Variants in CACNA1C observed in about 807,000 individuals in gnomAD.
CACNA1C encodes the protein calcium voltage-gated channel subunit alpha1 C, also known as voltage-dependent L-type calcium channel subunit alpha-1C.
In CACNA1C, 30 loss-of-function variants were observed where a neutral mutation model predicts 229.0. The ratio of observed to expected loss-of-function variants is 0.13; its 90% CI spans 0.10 to 0.18. CACNA1C has a LOEUF of 0.18. Ranked by LOEUF, CACNA1C falls within the 10% of genes least tolerant of loss-of-function variation. The pLI is 1.00. For synonymous variants in CACNA1C, 1,114 were observed against 1,132.5 expected (o/e 0.98, Z 0.33); for missense variants, 1,658 against 2,845.0 (o/e 0.58, Z 9.49).
chr12:2,228,025 G>A (rs2063534448), intron 3 of CACNA1C, among the ~76,000 whole-genome samples: 1 of 152,116 alleles, frequency 6.6e-6, no homozygotes, highest in Non-Finnish European at 1.5e-5. Flanking sequence ...GTCCTTAGGT[G>A]GTGGGCTGCC....
At chr12:2,591,470 G>T (rs2065279809) in intron 18 of CACNA1C, among the ~76,000 whole-genome samples, 1 of 152,192 alleles carries the variant, frequency 6.6e-6, no homozygotes, top group African/African-American at 2.4e-5. Flanking sequence ...AGGGAGAAGG[G>T]ACAGACATTT....
intron 9 of CACNA1C, among the ~76,000 whole-genome samples, chr12:2,522,420 G>A (rs1054053177): frequency 3.9e-5 from 6 of 152,174 alleles, no homozygotes; most frequent in Admixed American, 3.3e-4. Context: ...ATACCTAGTT[G>A]GCCAAATACC....
intron 3 of CACNA1C, among the ~76,000 whole-genome samples, chr12:2,256,091 C>CCTGACCTGACTAGTTTACAATCACACTA (rs1308467043): frequency 2.4e-3 from 7 of 2,944 alleles, no homozygotes; most frequent in Non-Finnish European, 4.8e-3. Context: ...ACAATCACAC[C>CCTGACCTGACTAGTTTACAATCACACTA]TCCTGTTTCT....
In CACNA1C at chr12:2,679,672, G is replaced by A. The variant is rs767425352; in HGVS notation, c.5320G>A (p.Ala1774Thr). 25 of 1,613,422 alleles carry A rather than the reference G, an allele frequency of 1.5e-5. No homozygotes were observed. Among genetic ancestry groups the A allele is most frequent in the African/African-American group, 6.7e-5 (5 of 74,910 alleles). Residue 1774 changes from alanine (A) to threonine (T), a missense_variant, in exon 42 of 47, where the codon GCC becomes ACC. This residue lies in a region of CACNA1C where 590 missense variants were observed against 700.8 expected (regional missense o/e 0.84). Transcript: ENST00000399655. This position sits in a 1 kb window ranked among gnomAD's most constrained non-coding sequence, Gnocchi z 5.5. The part of the protein sequence containing the change: ...NANINNANNT[A>T]LGRLPRPAGY... ...CAACATCAACAACGCCAACAACACCGCCCTGGGTCGCCTCCCTCGCCCCGC... is the reference window on the plus strand; with the variant it reads ...CAACATCAACAACGCCAACAACACCACCCTGGGTCGCCTCCCTCGCCCCGC...
chr12:2,451,460 A>G (rs941486523), intron 4 of CACNA1C, among the ~76,000 whole-genome samples: 2 of 152,096 alleles, frequency 1.3e-5, no homozygotes, highest in African/African-American at 4.8e-5. Flanking sequence ...AAAATTTTGG[A>G]ATTTTGAAGT....
At position 2,467,640 on chromosome 12, in the gene CACNA1C, A is replaced by C. The variant is rs1187829832; in HGVS notation, c.757+9934A>C. 6.6e-6 allele frequency among the ~76,000 whole-genome samples: 1 copy of C among 152,154 alleles called. No homozygotes were observed. Among genetic ancestry groups the C allele is most frequent in the East Asian group, 1.9e-4 (1 of 5,184 alleles). ...TGCAGGAGGCTTGCCTCTAAGAAAC[A>C]GAATTTAGAACAGGGTGGGTCCCAC... On this transcript the variant is annotated intron_variant, in intron 5 of 46. Coordinates refer to ENST00000399655, the MANE Select transcript of CACNA1C (RefSeq NM_000719.7). The surrounding 1 kb of genome is among the most constrained non-coding windows in gnomAD (Gnocchi z 4.6).
At chr12:2,156,677 T>A (rs2095570360) in intron 3 of CACNA1C, among the ~76,000 whole-genome samples, 1 of 152,222 alleles carries the variant, frequency 6.6e-6, no homozygotes, top group African/African-American at 2.4e-5. Flanking sequence ...AACAAACAGT[T>A]CCTCAACCAG....
chr12:2,578,930 C>T (rs996186638), intron 13 of CACNA1C, among the ~76,000 whole-genome samples: 3 of 152,132 alleles, frequency 2.0e-5, no homozygotes, highest in African/African-American at 7.2e-5. Context: ...TCCATCTCTG[C>T]CTTCCCAGGA....
chr12:2,252,929 C>G (rs2076132771), intron 3 of CACNA1C, among the ~76,000 whole-genome samples: 1 of 151,828 alleles, frequency 6.6e-6, no homozygotes, highest in Non-Finnish European at 1.5e-5. Context: ...ATGGCCCTCT[C>G]CCGCAAAAGG....
At chr12:2,378,824 C>CTCTTTT (rs2098151995) in intron 3 of CACNA1C, among the ~76,000 whole-genome samples, 16 of 146,380 alleles carry the variant, frequency 1.1e-4, no homozygotes, top group Middle Eastern at 7.0e-3. Flanking sequence ...CTTCCTCTCT[C>CTCTTTT]TCTTTCCTTC....
At chr12:2,206,911 ATGATTTTAAGCTGC>A (rs2097771361) in intron 3 of CACNA1C, among the ~76,000 whole-genome samples, 2 of 152,268 alleles carry the variant, frequency 1.3e-5, no homozygotes, top group South Asian at 4.1e-4. Context: ...TTTTAATAAA[ATGATTTTAAGCTGC>A]TGTTTATATA....
intron 3 of CACNA1C, among the ~76,000 whole-genome samples, chr12:2,203,322 T>C (rs2097654193): frequency 6.6e-6 from 1 of 152,112 alleles, no homozygotes; most frequent in Non-Finnish European, 1.5e-5. Context: ...TCCCCCTCAG[T>C]TGTGGTGCTG....
intron 3 of CACNA1C, among the ~76,000 whole-genome samples, chr12:2,198,342 G>C (rs1172420514): frequency 2.0e-5 from 3 of 152,206 alleles, no homozygotes; most frequent in Admixed American, 6.5e-5. Flanking sequence ...GGAGGCTGCT[G>C]TTGGCGGCCA....
intron 3 of CACNA1C, among the ~76,000 whole-genome samples, chr12:2,229,255 TAG>T (rs896312231): frequency 6.6e-6 from 1 of 152,158 alleles, no homozygotes; most frequent in African/African-American, 2.4e-5. Context: ...AAGAATTAAT[TAG>T]ACACTCAGAG....
chr12:2,053,600 A>G lies in CACNA1C; in HGVS notation c.38A>G (p.Glu13Gly). 6.3e-7 allele frequency: 1 copy of G among 1,598,606 alleles called. No homozygotes were observed. Among genetic ancestry groups the G allele is most frequent in the Non-Finnish European group, 8.5e-7 (1 of 1,172,706 alleles). ...NENTRMYIPE[E>G]NHQGSNYGSP... ...AATACGAGGATGTACATTCCAGAGGAAAACCACCAAGGTAAGGCTGGACCC... is the reference window on the plus strand; with the variant it reads ...AATACGAGGATGTACATTCCAGAGGGAAACCACCAAGGTAAGGCTGGACCC... The change falls in exon 1 of 47, where the codon GAA (glutamate) becomes GGA (glycine). Residue 13 changes from glutamate to glycine, a missense_variant. Transcript: ENST00000399655. The surrounding 1 kb of genome is among the most constrained non-coding windows in gnomAD (Gnocchi z 5.8).
intron 1 of CACNA1C, among the ~76,000 whole-genome samples, chr12:2,028,988 A>T (rs1235094236): frequency 6.6e-6 from 1 of 152,108 alleles, no homozygotes; most frequent in Admixed American, 6.5e-5. Flanking sequence ...GTGGTCATGG[A>T]TGTGTGTTCT....
chr12:2,293,179 G>A (rs955480585), intron 3 of CACNA1C, among the ~76,000 whole-genome samples: 3 of 152,116 alleles, frequency 2.0e-5, no homozygotes, highest in Non-Finnish European at 2.9e-5. Flanking sequence ...GCAAGGAAAC[G>A]GTAACACTTT....
At chr12:2,459,136 C>T (rs2099473859) in intron 5 of CACNA1C, among the ~76,000 whole-genome samples, 1 of 150,518 alleles carries the variant, frequency 6.6e-6, no homozygotes, top group South Asian at 2.1e-4. Flanking sequence ...GTGCTTGCCA[C>T]CATGCCCAGC....
intron 1 of CACNA1C, among the ~76,000 whole-genome samples, chr12:2,107,962 G>GATATCTT: frequency 6.6e-6 from 1 of 152,302 alleles, no homozygotes; most frequent in Non-Finnish European, 1.5e-5. Context: ...GTGACTATCT[G>GATATCTT]AATGTACCGT....
Sources: allele counts gnomAD v4.1 joint callset (sites outside exome capture counted in the v4.1 genomes callset), GRCh38; gene constraint gnomAD v4.1.1; regional missense constraint gnomAD v4.1.1; non-coding constraint Gnocchi (gnomAD v3.1); transcripts MANE v1.5; gene names NCBI Gene and HGNC (gene_info 2026-07-23, HGNC 2026-07-21).